Variants in UBE2Q2 observed in about 807,000 individuals in gnomAD.
The protein encoded by UBE2Q2 is ubiquitin conjugating enzyme E2 Q2.
In UBE2Q2, 54 loss-of-function variants were observed where a neutral mutation model predicts 59.9. That is an observed-to-expected ratio of 0.90 (90% CI 0.72 to 1.13). UBE2Q2 has a LOEUF of 1.13. Among genes scored for constraint, UBE2Q2 ranks in the 50% most tolerant of loss-of-function variants. The pLI is 0.00. For synonymous variants in UBE2Q2, 165 were observed against 155.2 expected (o/e 1.06, Z -0.47); for missense variants, 433 against 441.9 (o/e 0.98, Z 0.18).
At chr15:75,848,567 A>T (rs1381026042) in intron 1 of UBE2Q2, among the ~76,000 whole-genome samples, 3 of 152,202 alleles carry the variant, frequency 2.0e-5, no homozygotes, top group Non-Finnish European at 4.4e-5. Context: ...ATGCTCCCTC[A>T]TCCCCATTTT....
chr15:75,847,049 A>C (rs1218327360), intron 1 of UBE2Q2, among the ~76,000 whole-genome samples: 1 of 151,968 alleles, frequency 6.6e-6, no homozygotes, highest in Non-Finnish European at 1.5e-5. Flanking sequence ...TCCCTTCTTT[A>C]GTCCTTACTA....
At position 75,843,626 on chromosome 15, in the gene UBE2Q2, G is replaced by GGCTCCCCTTCCGCGCCCC. The variant is rs1197386736; in HGVS notation, c.-40_-23dup. ...CGGGCCCGGCTCCCCTTCCGCGCCC[G>GGCTCCCCTTCCGCGCCCC]GCTCCCCTTCCGCGCCCCTCCCGCC... On this transcript the variant is annotated 5_prime_UTR_variant, in exon 1 of 13. Transcript: ENST00000267938. The GGCTCCCCTTCCGCGCCCC allele has an allele frequency of 2.0e-6, 3 of 1,515,650 alleles. No individual in the cohort carries two copies. The African/African-American group carries it at 4.4e-5, about 22-fold the overall frequency. The allele number at this position is 1,515,650 out of a possible 1,614,324, so 93.9% of individuals were successfully genotyped here.
chr15:75,849,029 A>G (rs1401923886), intron 1 of UBE2Q2, among the ~76,000 whole-genome samples: 4 of 151,954 alleles, frequency 2.6e-5, no homozygotes, highest in Non-Finnish European at 4.4e-5. Flanking sequence ...ATACTTAAGC[A>G]TTTTCTTTTT....
intron 6 of UBE2Q2, among the ~76,000 whole-genome samples, chr15:75,877,240 G>A (rs1051206238): frequency 3.3e-5 from 5 of 150,718 alleles, no homozygotes; most frequent in Non-Finnish European, 7.4e-5. Context: ...CTTAGCGTGA[G>A]CAAATCAAAA....
At chr15:75,885,855 G>A (rs1389664854) in intron 9 of UBE2Q2, among the ~76,000 whole-genome samples, 1 of 152,196 alleles carries the variant, frequency 6.6e-6, no homozygotes, top group Admixed American at 6.5e-5. Context: ...GGATCAGGCA[G>A]TAAAATTGCT....
At chr15:75,867,515 T>A (rs906304216) in intron 3 of UBE2Q2, among the ~76,000 whole-genome samples, 24 of 152,214 alleles carry the variant, frequency 1.6e-4, no homozygotes, top group Non-Finnish European at 1.6e-4. Context: ...ACTCTTTTTT[T>A]ATAAAATTCT....
chr15:75,855,455 T>C (rs1287797723), intron 2 of UBE2Q2, among the ~76,000 whole-genome samples: 1 of 150,688 alleles, frequency 6.6e-6, no homozygotes, highest in Non-Finnish European at 1.5e-5. Flanking sequence ...CACGCTATTA[T>C]ACTCCAGCCT....
intron 3 of UBE2Q2, among the ~76,000 whole-genome samples, chr15:75,866,477 G>A (rs892967334): frequency 2.0e-5 from 3 of 152,122 alleles, no homozygotes; most frequent in Non-Finnish European, 4.4e-5. Flanking sequence ...CCGGCCTTCA[G>A]TATTCCTATG....
chr15:75,844,285 G>A, intron 1 of UBE2Q2: 1 of 1,542,322 alleles, frequency 6.5e-7, no homozygotes, highest in Non-Finnish European at 8.8e-7. Flanking sequence ...TCATTTTTCA[G>A]TCGGATTTTC....
intron 9 of UBE2Q2, among the ~76,000 whole-genome samples, chr15:75,888,834 T>TC (rs1567041027): frequency 1.3e-5 from 2 of 152,054 alleles, no homozygotes; most frequent in South Asian, 4.1e-4. Context: ...CTCCCTTTCT[T>TC]CCCCCCACCT....
intron 3 of UBE2Q2, among the ~76,000 whole-genome samples, chr15:75,863,453 CTTT>C (rs754022015): frequency 6.9e-6 from 1 of 144,416 alleles, no homozygotes; most frequent in Admixed American, 6.9e-5. Context: ...GTTTGTTTTT[CTTT>C]TTTTTTTTTG....
At chr15:75,883,088 AT>A (rs1442256021) in intron 8 of UBE2Q2, among the ~76,000 whole-genome samples, 1 of 152,124 alleles carries the variant, frequency 6.6e-6, no homozygotes, top group Non-Finnish European at 1.5e-5. Context: ...TACCTAGTCT[AT>A]CATTATTGGA....
At chr15:75,880,978 A>C (rs1280842215) in intron 8 of UBE2Q2, among the ~76,000 whole-genome samples, 1 of 152,128 alleles carries the variant, frequency 6.6e-6, no homozygotes. Flanking sequence ...AGTGACCCAA[A>C]TGTCAGTATT....
intron 1 of UBE2Q2, among the ~76,000 whole-genome samples, chr15:75,849,922 C>T (rs1273501163): frequency 1.3e-5 from 2 of 152,094 alleles, no homozygotes; most frequent in African/African-American, 4.8e-5. Flanking sequence ...TACCATAGGT[C>T]ATATTTATTT....
At chr15:75,847,948 A>C (rs1938035512) in intron 1 of UBE2Q2, among the ~76,000 whole-genome samples, 2 of 152,152 alleles carry the variant, frequency 1.3e-5, no homozygotes, top group Admixed American at 6.5e-5. Context: ...TTGGTTAATT[A>C]AATTTCTATT....
chr15:75,897,767 C>G (rs1899514499), intron 12 of UBE2Q2, among the ~76,000 whole-genome samples: 1 of 151,464 alleles, frequency 6.6e-6, no homozygotes, highest in Non-Finnish European at 1.5e-5. Flanking sequence ...AGTTCCTGGG[C>G]TGATGTGATC....
intron 6 of UBE2Q2, among the ~76,000 whole-genome samples, 177 bp from the exon 7 acceptor site, chr15:75,877,784 G>A (rs576106298): frequency 1.1e-4 from 17 of 152,242 alleles, no homozygotes; most frequent in African/African-American, 4.1e-4. Flanking sequence ...GTAATTATCT[G>A]TTAAGGGCAT....
chr15:75,851,008 T>A (rs1896610215), intron 1 of UBE2Q2, among the ~76,000 whole-genome samples: 1 of 152,256 alleles, frequency 6.6e-6, no homozygotes, highest in South Asian at 2.1e-4. Context: ...GTCATTTGCT[T>A]TTGCATTTAA....
At chr15:75,889,587 A>G (rs918389461) in intron 9 of UBE2Q2, among the ~76,000 whole-genome samples, 4 of 152,160 alleles carry the variant, frequency 2.6e-5, no homozygotes, top group Non-Finnish European at 4.4e-5. Flanking sequence ...ATCTCAAGCA[A>G]GGGAAAGGCA....
Sources: gnomAD v4.1 joint callset for allele counts (sites outside exome capture counted in the v4.1 genomes callset) on GRCh38, gnomAD v4.1.1 for gene constraint, MANE v1.5 for transcripts, NCBI Gene and HGNC (gene_info 2026-07-23, HGNC 2026-07-21) for gene names.